PIAS1: variants seen among roughly 807,000 people sequenced by gnomAD.
The protein encoded by PIAS1 is E3 SUMO-protein ligase PIAS1.
PIAS1 carries 6 observed loss-of-function variants against 71.3 expected under a neutral mutation model. The ratio of observed to expected loss-of-function variants is 0.08; its 90% confidence interval spans 0.05 to 0.17. PIAS1 has a LOEUF of 0.17. PIAS1 is among the 10% of genes least tolerant of loss of function. PIAS1 has a pLI of 1.00. For synonymous variants in PIAS1, 303 were observed against 292.9 expected (o/e 1.03, Z -0.35); for missense variants, 555 against 793.6 (o/e 0.70, Z 3.61).
At chr15:68,104,280 T>A (rs573434477) in intron 2 of PIAS1, among the ~76,000 whole-genome samples, 1 of 152,334 alleles carries the variant, frequency 6.6e-6, no homozygotes, top group African/African-American at 2.4e-5. Context: ...CCATCTTAAT[T>A]TGTTGTCTGT....
chr15:68,057,600 A>G (rs1442103702), intron 1 of PIAS1: 2 of 336,266 alleles, frequency 5.9e-6, no homozygotes, highest in Non-Finnish European at 1.2e-5. Context: ...TTCTATTGTT[A>G]TTTTCTGCCT....
rs1480475554 is a variant in PIAS1 at position 68,193,398 on chromosome 15, G to A, written c.*5563G>A. 6.6e-6 allele frequency: 1 copy of A among 152,458 alleles called. No homozygotes were observed. The highest frequency in any genetic ancestry group is 1.9e-4 in the East Asian group (1 of 5,214). 9.4% of individuals were successfully genotyped at this position (152,458 alleles called of 1,614,324 possible). Reference sequence around the variant, plus strand: ...TACACTCTGTGTTTATGAATGAATAGCCTGAGCTATGTCACTATATCTGTT... The same window carrying A: ...TACACTCTGTGTTTATGAATGAATAACCTGAGCTATGTCACTATATCTGTT... On this transcript the variant is annotated 3_prime_UTR_variant, in exon 14 of 14. Transcript: ENST00000249636.
intron 2 of PIAS1, among the ~76,000 whole-genome samples, chr15:68,140,847 A>C (rs1479996565): frequency 6.6e-6 from 1 of 152,192 alleles, no homozygotes; most frequent in Non-Finnish European, 1.5e-5. Context: ...AATAACTCTT[A>C]GTGATCATTT....
chr15:68,054,724 C>T lies in PIAS1; in HGVS notation c.24+374C>T, dbSNP rs1203896670. 1.1e-5 allele frequency: 2 copies of T among 183,012 alleles called. No homozygotes were observed. The highest frequency in any genetic ancestry group is 2.3e-5 in the Non-Finnish European group (2 of 88,572). The allele number at this position is 183,012 out of a possible 1,614,324, so 11.3% of individuals were successfully genotyped here. On this transcript the variant is annotated intron_variant, in intron 1 of 13. Transcript: ENST00000249636. The surrounding 1 kb of genome is among the most constrained non-coding windows in gnomAD (Gnocchi z 4.6). ...GAGCTGGGGCTGGGGGCAGGGTGCT[C>T]TCGTAGGGGGGATTGGGAAAGCTCC...
At chr15:68,140,189 A>G (rs535388283) in intron 2 of PIAS1, among the ~76,000 whole-genome samples, 1 of 152,320 alleles carries the variant, frequency 6.6e-6, no homozygotes, top group East Asian at 1.9e-4. Context: ...TTTTAGTTAT[A>G]TCTTCTCTTT....
At position 68,175,789 on chromosome 15, in the gene PIAS1, A is replaced by G. The variant is rs1317119244; in HGVS notation, c.1300+22A>G. The stretch of plus-strand genomic sequence containing the variant: ...GATGGTGAGTAGTTCTTCACAAGGA[A>G]GAGGCAGTCTCCCTACTGCTCTAAG... On this transcript the variant is annotated intron_variant, in intron 10 of 13. Coordinates refer to ENST00000249636, the MANE Select transcript of PIAS1 (RefSeq NM_016166.3). 3.2e-6 allele frequency: 5 copies of G among 1,579,328 alleles called. No individual in the cohort carries two copies. In the South Asian group the frequency reaches 5.8e-5, roughly 18 times the overall value.
intron 1 of PIAS1, among the ~76,000 whole-genome samples, chr15:68,069,217 A>G (rs1443553280): frequency 1.3e-5 from 2 of 152,118 alleles, no homozygotes; most frequent in African/African-American, 4.8e-5. Flanking sequence ...TTTTGGATAC[A>G]TTTAAAAAAC....
intron 1 of PIAS1, among the ~76,000 whole-genome samples, chr15:68,079,783 C>T (rs2092209339): frequency 6.6e-6 from 1 of 151,346 alleles, no homozygotes; most frequent in Non-Finnish European, 1.5e-5. Context: ...CTGGCCTAAA[C>T]TTTTTAGGAA....
chr15:68,152,182 C>G (rs552147907), intron 6 of PIAS1, among the ~76,000 whole-genome samples: 7 of 151,890 alleles, frequency 4.6e-5, no homozygotes, highest in Admixed American at 4.6e-4. Context: ...ATCTCCTGAC[C>G]TCGTGACCTA....
rs1044483101 is a variant in PIAS1 at position 68,138,017 on chromosome 15, A to C, written c.470-3929A>C. Among the ~76,000 whole-genome samples, 9 of 152,066 alleles carry C rather than the reference A, an allele frequency of 5.9e-5. No homozygotes were observed. The South Asian group carries it at 1.9e-3, about 31-fold the overall frequency. On this transcript the variant is annotated intron_variant, in intron 2 of 13. Transcript: ENST00000249636. ...AAAAAAATTAGTCGGGCATGGTGGC[A>C]CCCACTATTGTAGTGCCAGCTACTG...
At position 68,054,416 on chromosome 15, in the gene PIAS1, G is replaced by C; in HGVS notation, c.24+66G>C. 2 of 1,509,370 alleles carry C rather than the reference G, an allele frequency of 1.3e-6. No homozygotes were observed. Among genetic ancestry groups the C allele is most frequent in the Non-Finnish European group, 1.8e-6 (2 of 1,110,634 alleles). 93.5% of individuals were successfully genotyped at this position (1,509,370 alleles called of 1,614,324 possible). On this transcript the variant is annotated intron_variant, in intron 1 of 13. Coordinates refer to ENST00000249636, the MANE Select transcript of PIAS1 (RefSeq NM_016166.3). This position sits in a 1 kb window ranked among gnomAD's most constrained non-coding sequence, Gnocchi z 4.6. Reference sequence around the variant, plus strand: ...GAGACGGCGCCGCTGCTGCCAGGGGGGATGGGTCCGACCCTGGGGGGCCTC... The same window carrying C: ...GAGACGGCGCCGCTGCTGCCAGGGGCGATGGGTCCGACCCTGGGGGGCCTC...
intron 2 of PIAS1, among the ~76,000 whole-genome samples, chr15:68,110,564 C>A (rs1400392358): frequency 6.6e-6 from 1 of 151,958 alleles, no homozygotes; most frequent in Non-Finnish European, 1.5e-5. Flanking sequence ...CCATTGCACT[C>A]CAGCCTGGGC....
intron 1 of PIAS1, among the ~76,000 whole-genome samples, chr15:68,075,739 T>C (rs2140970886): frequency 6.6e-6 from 1 of 152,160 alleles, no homozygotes; most frequent in African/African-American, 2.4e-5. Context: ...ATTTTTTTCT[T>C]TTTAATATTT....
intron 2 of PIAS1, among the ~76,000 whole-genome samples, chr15:68,110,126 A>G (rs559388516): frequency 6.6e-6 from 1 of 152,322 alleles, no homozygotes; most frequent in African/African-American, 2.4e-5. Flanking sequence ...ATTCTCATGC[A>G]GCTCACTATG....
chr15:68,078,124 G>A (rs2092190453), intron 1 of PIAS1, among the ~76,000 whole-genome samples: 1 of 152,138 alleles, frequency 6.6e-6, no homozygotes, highest in Admixed American at 6.5e-5. Flanking sequence ...GAATTTAATA[G>A]ACTTAAAACT....
chr15:68,181,535 C>T (rs1487080726), intron 12 of PIAS1, 181 bp downstream of exon 12: 1 of 561,532 alleles, frequency 1.8e-6, no homozygotes, highest in Non-Finnish European at 3.2e-6. Context: ...GTTGATTGTA[C>T]TGTCATCAGT....
chr15:68,164,922 C>T (rs2092947572), intron 8 of PIAS1, 118 bp downstream of exon 8: 1 of 596,038 alleles, frequency 1.7e-6, no homozygotes, highest in Non-Finnish European at 3.0e-6. Flanking sequence ...ACCATTGTTA[C>T]AGTTTATGAA....
rs2141114266 is a variant in PIAS1, at chr15:68,189,636, ATATG to A, written c.*1803_*1806del. On this transcript the variant is annotated 3_prime_UTR_variant, in exon 14 of 14. Transcript: ENST00000249636. ...AAAAAAAAAGTTGGTGTTGATATGTATATGTGTGTGTGTATATATGTATTTATAA... is the reference window on the plus strand; with the variant it reads ...AAAAAAAAAGTTGGTGTTGATATGTATGTGTGTGTATATATGTATTTATAA... 1 of 152,278 alleles carries A rather than the reference ATATG, an allele frequency of 6.6e-6. No individual in the cohort carries two copies. The highest frequency in any genetic ancestry group is 6.5e-5 in the Admixed American group (1 of 15,290). The allele number at this position is 152,278 out of a possible 1,614,324, so 9.4% of individuals were successfully genotyped here.
chr15:68,149,399 C>T (rs780173346), intron 6 of PIAS1, among the ~76,000 whole-genome samples: 4 of 149,452 alleles, frequency 2.7e-5, no homozygotes, highest in South Asian at 2.1e-4. Flanking sequence ...TTCTTTTCCT[C>T]GCTCCTGTAC....
Sources: gnomAD v4.1 joint callset for allele counts (sites outside exome capture counted in the v4.1 genomes callset) on GRCh38, gnomAD v4.1.1 for gene constraint, Gnocchi (gnomAD v3.1) non-coding constraint, MANE v1.5 for transcripts, NCBI Gene and HGNC (gene_info 2026-07-23, HGNC 2026-07-21) for gene names.